Variants in PIBF1 observed in about 807,000 individuals in gnomAD.
The protein encoded by PIBF1 is progesterone-induced-blocking factor 1.
PIBF1 carries 90 observed loss-of-function variants against 112.5 expected under a neutral mutation model. The observed-to-expected ratio is 0.80, with a 90% CI of 0.67 to 0.95. The LOEUF (loss-of-function observed/expected upper bound fraction) is 0.95, where lower values mean the gene tolerates loss of function less well. PIBF1 is among the 40% of genes least tolerant of loss of function. PIBF1 has a pLI of 0.00. For synonymous variants in PIBF1, 301 were observed against 288.6 expected (o/e 1.04, Z -0.44); for missense variants, 915 against 852.3 (o/e 1.07, Z -0.92).
intron 16 of PIBF1, among the ~76,000 whole-genome samples, chr13:72,987,867 T>TTTTTTTTTTTTTA (rs2043354301): frequency 9.5e-6 from 1 of 105,746 alleles, no homozygotes; most frequent in African/African-American, 3.5e-5. Context: ...TATTTTTTTT[T>TTTTTTTTTTTTTA]TTTTTTTTTT....
chr13:72,936,229 G>T (rs1035520098), intron 14 of PIBF1, among the ~76,000 whole-genome samples: 2 of 151,802 alleles, frequency 1.3e-5, no homozygotes, highest in African/African-American at 4.8e-5. Context: ...TAGAGATGAG[G>T]TCTCACTATG....
chr13:72,873,871 C>A (rs184174670), intron 10 of PIBF1, among the ~76,000 whole-genome samples: 1 of 152,246 alleles, frequency 6.6e-6, no homozygotes, highest in African/African-American at 2.4e-5. Context: ...GGGCTTACAT[C>A]CAGAACTCTT....
intron 17 of PIBF1, among the ~76,000 whole-genome samples, chr13:73,000,195 A>C (rs532880932): frequency 6.6e-6 from 1 of 152,336 alleles, no homozygotes; most frequent in Non-Finnish European, 1.5e-5. Context: ...TCTGTAGTAC[A>C]TCAGCTTCTC....
intron 11 of PIBF1, chr13:72,901,131 C>G (rs1303269772): frequency 2.4e-6 from 1 of 421,990 alleles, no homozygotes; most frequent in Non-Finnish European, 4.7e-6. Flanking sequence ...ACAGACAACC[C>G]ACAAAGTGGG....
chr13:72,937,491 A>G (rs1050095014), intron 14 of PIBF1, among the ~76,000 whole-genome samples: 2 of 151,982 alleles, frequency 1.3e-5, no homozygotes, highest in African/African-American at 4.8e-5. Context: ...ACACATATAA[A>G]CTCCCATACT....
chr13:72,894,970 A>T (rs2040218880), intron 11 of PIBF1, among the ~76,000 whole-genome samples: 1 of 151,598 alleles, frequency 6.6e-6, no homozygotes, highest in African/African-American at 2.4e-5. Flanking sequence ...TACTAAAAAA[A>T]TGTAAAAGTT....
intron 16 of PIBF1, 87 bp downstream of exon 16, chr13:72,973,762 G>T: frequency 2.8e-6 from 2 of 716,314 alleles, no homozygotes; most frequent in South Asian, 1.7e-5. Flanking sequence ...TCCCAGTTGT[G>T]CATGTTCATT....
At chr13:72,987,903 G>A (rs552576028) in intron 16 of PIBF1, among the ~76,000 whole-genome samples, 16 of 117,340 alleles carry the variant, frequency 1.4e-4, no homozygotes, top group Non-Finnish European at 2.4e-4. Flanking sequence ...TCGCTCTGTC[G>A]CCAGACTGGA....
At chr13:72,799,385 A>G (rs2035355694) in intron 5 of PIBF1, among the ~76,000 whole-genome samples, 1 of 152,222 alleles carries the variant, frequency 6.6e-6, no homozygotes, top group Admixed American at 6.5e-5. Flanking sequence ...TTGCCATAGA[A>G]CCAATATTTC....
intron 14 of PIBF1, among the ~76,000 whole-genome samples, chr13:72,953,064 A>T (rs1388448743): frequency 6.6e-6 from 1 of 152,078 alleles, no homozygotes; most frequent in Non-Finnish European, 1.5e-5. Context: ...AAGGTGTATG[A>T]AATGCACTGA....
intron 16 of PIBF1, among the ~76,000 whole-genome samples, chr13:72,994,816 A>T (rs1375962891): frequency 2.6e-5 from 4 of 152,144 alleles, no homozygotes; most frequent in Non-Finnish European, 5.9e-5. Context: ...AGTGACAAAA[A>T]TGTTTTCTAA....
At chr13:72,908,394 T>TAGTC in intron 11 of PIBF1, 137 bp from the exon 12 acceptor site, 1 of 411,156 alleles carries the variant, frequency 2.4e-6, no homozygotes, top group Non-Finnish European at 4.3e-6. Flanking sequence ...ATTTCCTCAT[T>TAGTC]AGTCATCTTA....
At chr13:72,878,814 A>G (rs2039509474) in intron 10 of PIBF1, among the ~76,000 whole-genome samples, 1 of 152,270 alleles carries the variant, frequency 6.6e-6, no homozygotes, top group Non-Finnish European at 1.5e-5. Flanking sequence ...ATAAATGTTA[A>G]GGATTATTAT....
At position 72,812,371 on chromosome 13, in the gene PIBF1, T is replaced by C. The variant is rs184488769; in HGVS notation, c.673-9478T>C. Among the ~76,000 whole-genome samples the C allele has an allele frequency of 5.9e-4, 90 of 152,280 alleles. 1 individual carries two copies. Among genetic ancestry groups the C allele is most frequent in the African/African-American group, 2.1e-3 (87 of 41,552 alleles). Reference sequence around the variant, plus strand: ...TTATAATAGAGTACTATCACTATGATGTCATTGCCCATGTTTGCATTTAAT... The same window carrying C: ...TTATAATAGAGTACTATCACTATGACGTCATTGCCCATGTTTGCATTTAAT... On this transcript the variant is annotated intron_variant, in intron 5 of 17. Coordinates refer to ENST00000326291, the MANE Select transcript of PIBF1 (RefSeq NM_006346.4).
At chr13:72,974,813 A>G (rs908857353) in intron 16 of PIBF1, among the ~76,000 whole-genome samples, 5 of 152,312 alleles carry the variant, frequency 3.3e-5, no homozygotes, top group African/African-American at 1.2e-4. Context: ...TTGGGTAAAT[A>G]CCCAGGAACA....
intron 5 of PIBF1, among the ~76,000 whole-genome samples, chr13:72,809,998 A>G (rs1484324431): frequency 6.6e-6 from 1 of 152,206 alleles, no homozygotes; most frequent in Non-Finnish European, 1.5e-5. Context: ...AGTTATTTGC[A>G]AATAACATCT....
In PIBF1 at chr13:72,907,787, G is replaced by C. The variant is rs112054206; in HGVS notation, c.1489-744G>C. ...TCTGTAAAAATAAGTAAGCATTCTA[G>C]ATAATTGGAATTTAAGCATTAAAAC... On this transcript the variant is annotated intron_variant, in intron 11 of 17. Transcript: ENST00000326291. Among the ~76,000 whole-genome samples, 732 of 152,056 alleles carry C rather than the reference G, an allele frequency of 4.8e-3. 12 individuals carry two copies. Among genetic ancestry groups the C allele is most frequent in the African/African-American group, 0.016 (676 of 41,508 alleles).
At chr13:72,822,892 T>G (rs968337661) in intron 6 of PIBF1, among the ~76,000 whole-genome samples, 2 of 152,318 alleles carry the variant, frequency 1.3e-5, no homozygotes, top group East Asian at 3.9e-4. Context: ...ATGAGAGCTG[T>G]GCTCAGTGGG....
intron 11 of PIBF1, among the ~76,000 whole-genome samples, chr13:72,896,622 C>T (rs914322411): frequency 6.6e-6 from 1 of 152,060 alleles, no homozygotes; most frequent in African/African-American, 2.4e-5. Context: ...ATTCAGTGAA[C>T]TTTGGACATG....
Sources: gnomAD v4.1 joint callset for allele counts (sites outside exome capture counted in the v4.1 genomes callset) on GRCh38, gnomAD v4.1.1 for gene constraint, MANE v1.5 for transcripts, NCBI Gene and HGNC (gene_info 2026-07-23, HGNC 2026-07-21) for gene names.